The following LARGE1 variants were observed in gnomAD, a reference collection of about 807,000 sequenced individuals.
The protein encoded by LARGE1 is LARGE xylosyl- and glucuronyltransferase 1.
In LARGE1, 43 loss-of-function variants were observed where a neutral mutation model predicts 87.6. The observed-to-expected ratio is 0.49, with a 90% CI of 0.38 to 0.63. LARGE1 has a LOEUF of 0.63. Among genes scored for constraint, LARGE1 ranks in the 30% least tolerant of loss-of-function variants. LARGE1 has a pLI of 0.00. For missense variants in LARGE1, 802 were observed against 1,000.2 expected, an observed-to-expected ratio of 0.80 and a Z score of 2.67; for synonymous variants, 434 against 394.6, an observed-to-expected ratio of 1.10 and a Z score of -1.18.
In LARGE1 at chr22:33,316,265, A is replaced by G. The variant is rs1274602070; in HGVS notation, c.1288-17T>C. On this transcript the variant is annotated splice_polypyrimidine_tract_variant and intron_variant, in intron 10 of 14. Coordinates refer to ENST00000397394, the MANE Select transcript of LARGE1 (RefSeq NM_133642.5). ...CTTCTGGAGCTGCAGGGTAGGAGAG[A>G]GGGCTTGGGCACGTGAAGAAGAGGT... 6.2e-7 allele frequency: 1 copy of G among 1,612,252 alleles called. No homozygotes were observed. The highest frequency in any genetic ancestry group is 8.5e-7 in the Non-Finnish European group (1 of 1,179,768).
intron 4 of LARGE1, among the ~76,000 whole-genome samples, chr22:33,612,352 T>C (rs1045593571): frequency 3.9e-5 from 6 of 152,204 alleles, no homozygotes; most frequent in Non-Finnish European, 7.3e-5. Context: ...TCTGCCTGCC[T>C]TGGCCTCCCA....
chr22:33,807,079 TG>T (rs2086336360), intron 1 of LARGE1, among the ~76,000 whole-genome samples: 1 of 152,174 alleles, frequency 6.6e-6, no homozygotes, highest in African/African-American at 2.4e-5. Flanking sequence ...ATAGGCAGTT[TG>T]TTTGCAGCAG....
At chr22:33,751,594 G>C (rs1181191986) in intron 2 of LARGE1, among the ~76,000 whole-genome samples, 1 of 152,074 alleles carries the variant, frequency 6.6e-6, no homozygotes, top group African/African-American at 2.4e-5. Context: ...CTCCCTACCA[G>C]AGTTAACCAC....
intron 11 of LARGE1, among the ~76,000 whole-genome samples, chr22:33,306,003 TAA>T (rs1475665685): frequency 1.3e-5 from 2 of 152,000 alleles, no homozygotes; most frequent in East Asian, 3.9e-4. Context: ...CACGCCCGGC[TAA>T]TTTTCTTCTT....
rs1161508287 is a variant in LARGE1, at chr22:33,324,228, C to CAAA, written c.1288-7983_1288-7981dup. Among the ~76,000 whole-genome samples the CAAA allele has an allele frequency of 2.1e-3, 23 of 10,740 alleles. 2 individuals carry two copies. Among genetic ancestry groups the CAAA allele is most frequent in the African/African-American group, 6.6e-3 (22 of 3,358 alleles). The allele number at this position is 10,740 out of a possible 152,430, so 7.0% of individuals were successfully genotyped here. A position where few individuals can be genotyped will look rare whatever the true frequency, so the allele number is the denominator to read the frequency against. ...TGGGCAACAGACCAAGACTCCATCT[C>CAAA]AAAAAAAAAAAAAAAAAAAAAAAAA... On this transcript the variant is annotated intron_variant, in intron 10 of 14. Coordinates refer to ENST00000397394, the MANE Select transcript of LARGE1 (RefSeq NM_133642.5).
the LARGE1 span, among the ~76,000 whole-genome samples, chr22:33,117,738 A>G: frequency 1.3e-5 from 2 of 152,146 alleles, no homozygotes; most frequent in Admixed American, 1.3e-4. Context: ...AAATCACCTT[A>G]TTTATTTGTT....
rs1009409114 is a variant in LARGE1 at position 33,676,300 on chromosome 22, T to G, written c.107-25632A>C. Among the ~76,000 whole-genome samples, 4 of 120,772 alleles carry G rather than the reference T, an allele frequency of 3.3e-5. No homozygotes were observed. The South Asian group carries it at 8.5e-4, about 26-fold the overall frequency. 79.2% of individuals were successfully genotyped at this position (120,772 alleles called of 152,430 possible). On this transcript the variant is annotated intron_variant, in intron 2 of 14. Coordinates refer to ENST00000397394, the MANE Select transcript of LARGE1 (RefSeq NM_133642.5). ...CCTCTGAGAGCTGTCACCAACCACATCAAATTATTTGCACATCAGAGAATA... is the reference window on the plus strand; with the variant it reads ...CCTCTGAGAGCTGTCACCAACCACAGCAAATTATTTGCACATCAGAGAATA...
At chr22:33,304,680 A>C (rs1934631625) in intron 11 of LARGE1, among the ~76,000 whole-genome samples, 173 bp from the exon 12 acceptor site, 1 of 152,220 alleles carries the variant, frequency 6.6e-6, no homozygotes, top group African/African-American at 2.4e-5. Context: ...GCATCAAAAC[A>C]CTTACCTTGC....
chr22:33,866,207 A>G (rs1269201361), intron 1 of LARGE1, among the ~76,000 whole-genome samples: 1 of 152,050 alleles, frequency 6.6e-6, no homozygotes, highest in Non-Finnish European at 1.5e-5. Flanking sequence ...ATCATAAAGC[A>G]ATCTGCCTCA....
At chr22:33,546,412 G>A (rs959639034) in intron 6 of LARGE1, among the ~76,000 whole-genome samples, 3 of 152,070 alleles carry the variant, frequency 2.0e-5, no homozygotes, top group African/African-American at 7.2e-5. Flanking sequence ...TTAGGTTATG[G>A]GGGATGTCTT....
At chr22:33,712,649 T>A (rs928969074) in intron 2 of LARGE1, among the ~76,000 whole-genome samples, 25 of 146,376 alleles carry the variant, frequency 1.7e-4, no homozygotes, top group African/African-American at 5.6e-4. Context: ...TGTGTGTGTG[T>A]GTGTGTGTGT....
chr22:33,414,562 A>C (rs1035423683), intron 7 of LARGE1, among the ~76,000 whole-genome samples: 20 of 152,190 alleles, frequency 1.3e-4, no homozygotes, highest in African/African-American at 4.3e-4. Flanking sequence ...TCAGATGCTA[A>C]GAAAATGCAG....
At chr22:33,705,937 C>A (rs575306769) in intron 2 of LARGE1, among the ~76,000 whole-genome samples, 3 of 152,236 alleles carry the variant, frequency 2.0e-5, no homozygotes, top group African/African-American at 7.2e-5. Flanking sequence ...TTAACATGCC[C>A]AGTTTATAGA....
intron 6 of LARGE1, among the ~76,000 whole-genome samples, chr22:33,549,372 A>G (rs761338829): frequency 2.0e-5 from 3 of 152,232 alleles, no homozygotes; most frequent in Non-Finnish European, 1.5e-5. Flanking sequence ...CTCTTCACGG[A>G]TATGCAGATG....
intron 12 of LARGE1, among the ~76,000 whole-genome samples, chr22:33,295,713 T>C (rs2146038817): frequency 6.6e-6 from 1 of 152,308 alleles, no homozygotes; most frequent in Non-Finnish European, 1.5e-5. Context: ...CTGACTGGCT[T>C]CCAGGAGCTT....
intron 10 of LARGE1, among the ~76,000 whole-genome samples, chr22:33,329,955 C>T (rs767959413): frequency 2.0e-5 from 3 of 151,772 alleles, no homozygotes; most frequent in Admixed American, 1.3e-4. Context: ...CTGTCAGGTA[C>T]TAGGGAGGTG....
rs1207793279 is a variant in LARGE1, at chr22:33,698,883, CCT to C, written c.107-48217_107-48216del. On this transcript the variant is annotated intron_variant, in intron 2 of 14. Transcript: ENST00000397394. ...AAAGCTTTCCCTAACACCCTGCTCC[CCT>C]GACTTACTTTCTTCCCCGTAACACT... Among the ~76,000 whole-genome samples the C allele has an allele frequency of 2.7e-4, 41 of 152,348 alleles. 2 individuals carry two copies. The highest frequency in any genetic ancestry group is 7.2e-4 in the African/African-American group (30 of 41,578).
Position 33,274,465 on chromosome 22 carries a change from C to T in LARGE1, c.2233G>A (p.Ala745Thr), listed in dbSNP as rs903092551. The T allele has an allele frequency of 6.2e-7, 1 of 1,614,076 alleles. No individual in the cohort carries two copies. Among genetic ancestry groups the T allele is most frequent in the African/African-American group, 1.3e-5 (1 of 74,914 alleles). Residue 745 changes from alanine to threonine, a missense_variant, in exon 15 of 15, where the codon GCT becomes ACT. This residue lies in a region of LARGE1 where 625 missense variants were observed against 841.9 expected (regional missense o/e 0.74). Coordinates refer to ENST00000397394, the MANE Select transcript of LARGE1 (RefSeq NM_133642.5). ...TCGGCTGTGAGATATTTCAGGGCAG[C>T]AAAGCCGTAGCGGCGGGACATGTCC... ...QQDMSRRYGF[A>T]ALKYLTAENN...
At chr22:33,484,911 G>GTTTT (rs545498648) in intron 6 of LARGE1, among the ~76,000 whole-genome samples, 1 of 130,380 alleles carries the variant, frequency 7.7e-6, no homozygotes, top group African/African-American at 2.9e-5. Context: ...TAATGAGGTG[G>GTTTT]TTTTTTTTTT....
Sources: gnomAD v4.1 joint callset for allele counts (sites outside exome capture counted in the v4.1 genomes callset) on GRCh38, gnomAD v4.1.1 for gene constraint, gnomAD v4.1.1 regional missense constraint, MANE v1.5 for transcripts, NCBI Gene and HGNC (gene_info 2026-07-23, HGNC 2026-07-21) for gene names.